Variants in FBN1 observed in about 807,000 individuals in gnomAD.
FBN1 encodes the protein fibrillin 1, also known as fibrillin-1.
In FBN1, 29 loss-of-function variants were observed where a neutral mutation model predicts 365.1. That is an observed-to-expected ratio of 0.08 (90% CI 0.06 to 0.11). FBN1 has a LOEUF of 0.11. Ranked by LOEUF, FBN1 falls within the 10% of genes least tolerant of loss-of-function variation. FBN1 has a pLI of 1.00. For missense variants in FBN1, 2,476 were observed against 3,703.2 expected (o/e 0.67, Z 8.60); for synonymous variants, 1,210 against 1,270.5 (o/e 0.95, Z 1.01).
intron 6 of FBN1, among the ~76,000 whole-genome samples, chr15:48,541,858 T>G (rs1220991710): frequency 1.3e-5 from 2 of 152,164 alleles, no homozygotes; most frequent in African/African-American, 2.4e-5. Flanking sequence ...AATATAGTAT[T>G]AGAAATGCTT....
chr15:48,470,610 T>G (rs1333348542), intron 36 of FBN1, 24 bp downstream of exon 36: 13 of 1,613,632 alleles, frequency 8.1e-6, no homozygotes, highest in Non-Finnish European at 1.1e-5. Flanking sequence ...AGGGAGCTGA[T>G]TTTGATGCCA....
intron 2 of FBN1, among the ~76,000 whole-genome samples, chr15:48,633,544 T>C (rs1429417866): frequency 6.6e-6 from 1 of 152,162 alleles, no homozygotes; most frequent in Non-Finnish European, 1.5e-5. Context: ...GATACCCTCA[T>C]TGACAACTAC....
intron 42 of FBN1, among the ~76,000 whole-genome samples, chr15:48,461,558 C>T (rs181352820): frequency 6.6e-6 from 1 of 152,166 alleles, no homozygotes; most frequent in East Asian, 1.9e-4. Flanking sequence ...TACATATACA[C>T]ATACATAGAT....
intron 6 of FBN1, among the ~76,000 whole-genome samples, chr15:48,567,997 A>AAAG (rs1566928706): frequency 1.6e-5 from 1 of 61,912 alleles, no homozygotes; most frequent in Non-Finnish European, 3.1e-5. Context: ...AAGTATACAG[A>AAAG]TAAGAAAGAA....
At chr15:48,598,955 G>T (rs1008994497) in intron 5 of FBN1, among the ~76,000 whole-genome samples, 1 of 152,122 alleles carries the variant, frequency 6.6e-6, no homozygotes, top group African/African-American at 2.4e-5. Flanking sequence ...TATCATAAGG[G>T]GGAGTTTTCC....
rs1157110691 is a variant in FBN1, at chr15:48,425,596, G to A, written c.7331-105C>T. On this transcript the variant is annotated intron_variant, in intron 59 of 65. Coordinates refer to ENST00000316623, the MANE Select transcript of FBN1 (RefSeq NM_000138.5). ...AATTTTAGTTTCGGGGAAAGAAAAA[G>A]GAAACTCTGTGTAGACTTTGATGAT... 4 of 1,559,378 alleles carry A rather than the reference G, an allele frequency of 2.6e-6. No individual in the cohort carries two copies. The East Asian group carries it at 6.8e-5, about 27-fold the overall frequency.
chr15:48,517,684 T>C (rs531939621), intron 10 of FBN1, among the ~76,000 whole-genome samples: 1 of 152,344 alleles, frequency 6.6e-6, no homozygotes, highest in South Asian at 2.1e-4. Flanking sequence ...CAAATAGCCA[T>C]GTTTTTTCAT....
At chr15:48,420,609 A>G in intron 63 of FBN1, 78 bp downstream of exon 63, 1 of 1,577,918 alleles carries the variant, frequency 6.3e-7, no homozygotes, top group Non-Finnish European at 8.7e-7. Flanking sequence ...ACACATTTAC[A>G]GCTTCAGAAA....
At chr15:48,489,775 AG>A in intron 25 of FBN1, 75 bp downstream of exon 25, 1 of 1,080,588 alleles carries the variant, frequency 9.3e-7, no homozygotes, top group Non-Finnish European at 1.4e-6. Context: ...GATCAAGTAG[AG>A]TGCTGAGATC....
Position 48,516,199 on chromosome 15 carries a change from T to C in FBN1, c.1311A>G (p.Pro437=), listed in dbSNP as rs1253494702. ...AATTCTTACTTGGTGGCTCCCGAGA[T>C]GGATACAGATATTCCACTGGTGGTC... ...VPRPPVEYLY[P]SREPPRVLPV... is the part of the protein sequence containing the mutation. Residue 437 remains proline, a synonymous_variant, in exon 11 of 66, where the codon CCA becomes CCG. Transcript: ENST00000316623. 2.5e-6 allele frequency: 4 copies of C among 1,613,356 alleles called. No individual in the cohort carries two copies. Among genetic ancestry groups the C allele is most frequent in the East Asian group, 2.2e-5 (1 of 44,864 alleles).
intron 64 of FBN1, 137 bp from the exon 65 acceptor site, chr15:48,412,880 C>A: frequency 9.9e-7 from 1 of 1,005,592 alleles, no homozygotes; most frequent in Non-Finnish European, 1.5e-6. Flanking sequence ...TCAGCTAGTT[C>A]TGAGAACTAC....
chr15:48,557,034 T>C (rs554474736), intron 6 of FBN1, among the ~76,000 whole-genome samples: 1 of 152,270 alleles, frequency 6.6e-6, no homozygotes, highest in East Asian at 1.9e-4. Flanking sequence ...GAAGGTCTTT[T>C]TGGTACCTGA....
Position 48,487,478 on chromosome 15 carries a change from TCTCCTCCACCAGACCAAGCA to T in FBN1, c.3338-61_3338-42del, listed in dbSNP as rs772888623. On this transcript the variant is annotated intron_variant, in intron 27 of 65. Coordinates refer to ENST00000316623, the MANE Select transcript of FBN1 (RefSeq NM_000138.5). ...GACCATGTTAAAGGTGGGGGCCTCA[TCTCCTCCACCAGACCAAGCA>T]CTCCTCCCCCACCCATTGCTGGGTG... 2.6e-5 allele frequency: 42 copies of T among 1,609,648 alleles called. 2 individuals are homozygous for T. In the South Asian group the frequency reaches 4.6e-4, roughly 18 times the overall value.
At chr15:48,414,215 G>A (rs187360033) in intron 64 of FBN1, among the ~76,000 whole-genome samples, 6 of 152,292 alleles carry the variant, frequency 3.9e-5, no homozygotes, top group Admixed American at 3.9e-4. Flanking sequence ...TAAAGAATGA[G>A]TCTACTGAGA....
rs192251825 is a variant in FBN1, at chr15:48,524,335, A to G, written c.988+1795T>C. Among the ~76,000 whole-genome samples, 12 of 152,346 alleles carry G rather than the reference A, an allele frequency of 7.9e-5. No individual in the cohort carries two copies. In the East Asian group the frequency reaches 2.1e-3, roughly 27 times the overall value. ...AAGAAATGTGCACGGAAGATACTGC[A>G]TACCACTATCTACATAGGAGGTTTT... On this transcript the variant is annotated intron_variant, in intron 9 of 65. Transcript: ENST00000316623.
At chr15:48,472,328 G>T (rs573831210) in intron 35 of FBN1, among the ~76,000 whole-genome samples, 1 of 152,160 alleles carries the variant, frequency 6.6e-6, no homozygotes, top group Admixed American at 6.5e-5. Context: ...TGCGGCCAAG[G>T]CTGGATGTAC....
intron 35 of FBN1, among the ~76,000 whole-genome samples, chr15:48,471,904 G>T (rs1390329434): frequency 1.3e-5 from 2 of 152,202 alleles, no homozygotes; most frequent in Admixed American, 1.3e-4. Context: ...AGGTTCCCAG[G>T]ACTCTTCGTG....
At chr15:48,630,003 C>A (rs1391320794) in intron 2 of FBN1, among the ~76,000 whole-genome samples, 1 of 152,176 alleles carries the variant, frequency 6.6e-6, no homozygotes, top group East Asian at 1.9e-4. Context: ...CAAGAACTAA[C>A]CAAAGTGTTC....
intron 4 of FBN1, among the ~76,000 whole-genome samples, chr15:48,605,219 G>A (rs924816): frequency 0.36 from 54,873 of 151,998 alleles, 12,071 homozygotes; most frequent in African/African-American, 0.63. Flanking sequence ...AAGTGGGGAA[G>A]ATCTGCCTAC....
Sources: gnomAD v4.1 joint callset for allele counts (sites outside exome capture counted in the v4.1 genomes callset) on GRCh38, gnomAD v4.1.1 for gene constraint, MANE v1.5 for transcripts, NCBI Gene and HGNC (gene_info 2026-07-23, HGNC 2026-07-21) for gene names.